Variants in KSR2 observed in about 807,000 individuals in gnomAD.
The protein encoded by KSR2 is kinase suppressor of ras 2.
Under a neutral mutation model 107.8 loss-of-function variants are expected in KSR2, and 25 were observed. That is an observed-to-expected ratio of 0.23 (90% CI 0.17 to 0.32). The LOEUF (loss-of-function observed/expected upper bound fraction) is 0.32. KSR2 is among the 10% of genes least tolerant of loss of function. KSR2 has a pLI of 1.00. For missense variants in KSR2, 887 were observed against 1,268.9 expected (o/e 0.70, Z 4.57); for synonymous variants, 480 against 507.0 (o/e 0.95, Z 0.71).
chr12:117,774,403 A>T (rs1593223758), intron 3 of KSR2, among the ~76,000 whole-genome samples: 1 of 152,162 alleles, frequency 6.6e-6, no homozygotes, highest in African/African-American at 2.4e-5. Context: ...ATTCAGCAGA[A>T]CCCTGGGTCT....
At chr12:117,547,310 C>G (rs989131674) in intron 9 of KSR2, among the ~76,000 whole-genome samples, 3 of 152,152 alleles carry the variant, frequency 2.0e-5, no homozygotes, top group Non-Finnish European at 4.4e-5. Context: ...TTTGCTGATA[C>G]CACTCTTGCT....
intron 3 of KSR2, among the ~76,000 whole-genome samples, chr12:117,799,086 A>G (rs1255219967): frequency 6.6e-6 from 1 of 152,202 alleles, no homozygotes; most frequent in African/African-American, 2.4e-5. Context: ...AACAGGTATT[A>G]AGTGATTCCT....
chr12:117,860,955 G>A (rs1893270588), intron 1 of KSR2, among the ~76,000 whole-genome samples: 1 of 152,114 alleles, frequency 6.6e-6, no homozygotes, highest in African/African-American at 2.4e-5. Context: ...GTGACCCCAT[G>A]TGATCCACCC....
At chr12:117,491,431 C>A (rs533414603) in intron 14 of KSR2, among the ~76,000 whole-genome samples, 1 of 152,156 alleles carries the variant, frequency 6.6e-6, no homozygotes, top group Non-Finnish European at 1.5e-5. Context: ...GCCCCCATCT[C>A]GGCCTCCCAA....
At chr12:117,904,205 C>G (rs557422081) in intron 1 of KSR2, among the ~76,000 whole-genome samples, 1 of 152,286 alleles carries the variant, frequency 6.6e-6, no homozygotes, top group Admixed American at 6.5e-5. Context: ...GAGCTGTGAT[C>G]ATCGGGCCTC....
intron 1 of KSR2, among the ~76,000 whole-genome samples, chr12:117,931,001 C>G (rs916680366): frequency 1.3e-5 from 2 of 152,088 alleles, no homozygotes; most frequent in Non-Finnish European, 2.9e-5. Flanking sequence ...ATGCTCATTT[C>G]AAGAAGAAAG....
chr12:117,932,862 A>G (rs371042704), intron 1 of KSR2, among the ~76,000 whole-genome samples: 230 of 151,042 alleles, frequency 1.5e-3, no homozygotes, highest in African/African-American at 5.3e-3. Context: ...AAAATACAAA[A>G]ATTAGCCAGG....
chr12:117,825,631 T>C (rs565332678), intron 3 of KSR2, among the ~76,000 whole-genome samples: 1 of 152,238 alleles, frequency 6.6e-6, no homozygotes, highest in South Asian at 2.1e-4. Flanking sequence ...ACAGTATTTG[T>C]CAGATTCTCA....
intron 1 of KSR2, among the ~76,000 whole-genome samples, chr12:117,912,410 G>A (rs1401252142): frequency 6.6e-6 from 1 of 152,182 alleles, no homozygotes; most frequent in Non-Finnish European, 1.5e-5. Context: ...GTGACCTTAA[G>A]ACCATTTGGA....
chr12:117,862,601 T>C (rs1308843164), intron 1 of KSR2, among the ~76,000 whole-genome samples: 1 of 152,152 alleles, frequency 6.6e-6, no homozygotes, highest in Admixed American at 6.5e-5. Context: ...GCCATGATCA[T>C]ACCACTGCAC....
At chr12:117,742,818 A>C (rs567651654) in intron 4 of KSR2, among the ~76,000 whole-genome samples, 1 of 152,366 alleles carries the variant, frequency 6.6e-6, no homozygotes, top group South Asian at 2.1e-4. Flanking sequence ...AAGACTTGTC[A>C]TTCAGAGACT....
chr12:117,960,382 A>C (rs1328879623), intron 1 of KSR2, among the ~76,000 whole-genome samples: 1 of 152,196 alleles, frequency 6.6e-6, no homozygotes, highest in Non-Finnish European at 1.5e-5. Context: ...TCTGGCAAAG[A>C]GGACATTAGC....
At chr12:117,672,388 C>T (rs748867319) in intron 4 of KSR2, among the ~76,000 whole-genome samples, 16 of 152,122 alleles carry the variant, frequency 1.1e-4, no homozygotes, top group African/African-American at 3.6e-4. Context: ...AAAGTGATCT[C>T]GGTTTCCTCA....
chr12:117,839,918 T>C (rs1892393234), intron 3 of KSR2, among the ~76,000 whole-genome samples: 2 of 152,148 alleles, frequency 1.3e-5, no homozygotes, highest in Non-Finnish European at 2.9e-5. Context: ...AGGAGGATTC[T>C]TTTCCTTCAA....
intron 4 of KSR2, among the ~76,000 whole-genome samples, chr12:117,705,951 G>A (rs995927208): frequency 9.9e-5 from 15 of 151,890 alleles, no homozygotes; most frequent in African/African-American, 1.9e-4. Context: ...CTCACAAGCC[G>A]TTCAGACAAA....
chr12:117,849,534 G>C (rs2137200047), intron 3 of KSR2, among the ~76,000 whole-genome samples: 1 of 152,310 alleles, frequency 6.6e-6, no homozygotes, highest in Non-Finnish European at 1.5e-5. Context: ...TTTGGTTTCA[G>C]GCTAAGGGTG....
At position 117,968,193 on chromosome 12, in the gene KSR2, T is replaced by G; in HGVS notation, c.63A>C (p.Leu21Phe). The change falls in exon 1 of 20, where the codon TTA becomes TTC. Residue 21 changes from leucine to phenylalanine, a missense_variant. Physicochemically the swap from Leu to Phe is conservative, Grantham distance 22 (BLOSUM62 0). This residue lies in a region of KSR2 where 32 missense variants were observed against 25.9 expected (regional missense o/e 1.23). Transcript: ENST00000339824. ...TGTTTTGGACCAGTTCGCACTGCTG[T>G]AAGGCTTTTTGCAAACTCAGAGGCT... Reference protein sequence around the residue: ...EQQPLSLQKALQQCELVQNMI... With the variant: ...EQQPLSLQKAFQQCELVQNMI... 6.2e-7 allele frequency: 1 copy of G among 1,611,144 alleles called. No homozygotes were observed. The highest frequency in any genetic ancestry group is 8.5e-7 in the Non-Finnish European group (1 of 1,179,076).
chr12:117,485,061 C>T (rs1872387042), intron 15 of KSR2, among the ~76,000 whole-genome samples: 1 of 152,120 alleles, frequency 6.6e-6, no homozygotes, highest in Admixed American at 6.5e-5. Flanking sequence ...TTTTTATTGC[C>T]TTTGTGAGCA....
chr12:117,662,699 C>G (rs1884488490), intron 5 of KSR2, among the ~76,000 whole-genome samples: 2 of 152,162 alleles, frequency 1.3e-5, no homozygotes. Context: ...AACCATCAGT[C>G]ACTTGTTCCC....
Sources: gnomAD v4.1 joint callset for allele counts (sites outside exome capture counted in the v4.1 genomes callset) on GRCh38, gnomAD v4.1.1 for gene constraint, gnomAD v4.1.1 regional missense constraint, MANE v1.5 for transcripts, NCBI Gene and HGNC (gene_info 2026-07-23, HGNC 2026-07-21) for gene names.